The following DDX46 variants were observed in gnomAD, a reference collection of about 807,000 sequenced individuals.
DDX46 encodes the protein probable ATP-dependent RNA helicase DDX46.
In DDX46, 30 loss-of-function variants were observed where a neutral mutation model predicts 134.9. That is an observed-to-expected ratio of 0.22 (90% CI 0.17 to 0.30). The LOEUF is 0.30. Ranked by LOEUF, DDX46 falls within the 10% of genes least tolerant of loss-of-function variation. The probability of loss-of-function intolerance (pLI) is 1.00; values close to 1 mark genes in which losing one functional copy is unlikely to be tolerated. For missense variants in DDX46, 622 were observed against 1,248.7 expected, an observed-to-expected ratio of 0.50 and a Z score of 7.56; for synonymous variants, 415 against 404.1, an observed-to-expected ratio of 1.03 and a Z score of -0.32.
At chr5:134,821,852 G>A (rs1755462613) in intron 21 of DDX46, among the ~76,000 whole-genome samples, 1 of 151,292 alleles carries the variant, frequency 6.6e-6, no homozygotes, top group Admixed American at 6.6e-5. Context: ...ACCACGCCCG[G>A]CCTACTTCTT....
chr5:134,780,865 T>C (rs173849), intron 6 of DDX46: 84,285 of 210,996 alleles, frequency 0.4, 20,909 homozygotes, highest in African/African-American at 0.73. Flanking sequence ...CTCTTTCTAC[T>C]AAAAAACAAA....
At chr5:134,797,526 G>C (rs1754702997) in intron 15 of DDX46, among the ~76,000 whole-genome samples, 2 of 152,264 alleles carry the variant, frequency 1.3e-5, no homozygotes, top group South Asian at 4.1e-4. Context: ...TGGCCAAGAG[G>C]AAAGAACAAG....
At chr5:134,775,097 G>T (rs1018858021) in intron 5 of DDX46, among the ~76,000 whole-genome samples, 7 of 152,090 alleles carry the variant, frequency 4.6e-5, no homozygotes, top group African/African-American at 1.7e-4. Flanking sequence ...TGGGATTACA[G>T]GCGTGAGCCA....
Position 134,764,100 on chromosome 5 carries a change from A to C in DDX46, c.206+8A>C, listed in dbSNP as rs768833830. 4 of 1,587,130 alleles carry C rather than the reference A, an allele frequency of 2.5e-6. No homozygotes were observed. The African/African-American group carries it at 5.4e-5, about 22-fold the overall frequency. On this transcript the variant is annotated splice_region_variant and intron_variant, in intron 2 of 22. Coordinates refer to ENST00000452510, the MANE Select transcript of DDX46 (RefSeq NM_001300860.2). ...GGACAGGAAGCGTCTGAGGTAAGAC[A>C]TTAATTAATTTCCAAAAGACGAGTG...
chr5:134,777,969 C>G (rs1753999272), intron 6 of DDX46: 1 of 350,664 alleles, frequency 2.9e-6, no homozygotes, highest in Non-Finnish European at 5.0e-6. Flanking sequence ...ACATATTAAC[C>G]TTTTTAATAA....
chr5:134,771,024 TTTTC>T (rs748788531), intron 4 of DDX46, 25 bp downstream of exon 4: 66 of 947,998 alleles, frequency 7.0e-5, no homozygotes, highest in Middle Eastern at 2.8e-4. Context: ...TTAAAAATAA[TTTTC>T]TTTCTTTCTT....
chr5:134,817,462 A>T, intron 19 of DDX46, 34 bp from the exon 20 acceptor site: 1 of 1,598,752 alleles, frequency 6.3e-7, no homozygotes, highest in South Asian at 1.1e-5. Context: ...CTCTGCCCTC[A>T]TTTGAGATTT....
intron 4 of DDX46, among the ~76,000 whole-genome samples, chr5:134,771,204 C>T (rs1753757425): frequency 6.6e-6 from 1 of 151,672 alleles, no homozygotes; most frequent in African/African-American, 2.4e-5. Flanking sequence ...AAGCAATTCT[C>T]CTGCCTCAGC....
At chr5:134,798,170 A>G (rs1441005114) in intron 15 of DDX46, among the ~76,000 whole-genome samples, 6 of 131,834 alleles carry the variant, frequency 4.6e-5, no homozygotes, top group African/African-American at 8.3e-5. Flanking sequence ...CCCGCCCCCC[A>G]CCGTTTTTTT....
At chr5:134,765,070 T>A (rs952477098) in intron 2 of DDX46, among the ~76,000 whole-genome samples, 20 of 150,438 alleles carry the variant, frequency 1.3e-4, no homozygotes, top group Admixed American at 4.6e-4. Flanking sequence ...TTTTTTTTTT[T>A]AATTTATTTT....
chr5:134,769,037 G>A (rs531204043), intron 3 of DDX46, among the ~76,000 whole-genome samples: 5 of 152,204 alleles, frequency 3.3e-5, no homozygotes, highest in Admixed American at 6.5e-5. Context: ...CAGCCTGGCC[G>A]ACAGAGAGAG....
intron 3 of DDX46, among the ~76,000 whole-genome samples, chr5:134,767,413 A>G (rs905220327): frequency 2.0e-5 from 3 of 152,068 alleles, no homozygotes; most frequent in Non-Finnish European, 2.9e-5. Flanking sequence ...AACATAGCTC[A>G]CTAACCTTAA....
intron 6 of DDX46, among the ~76,000 whole-genome samples, chr5:134,780,305 T>G (rs1754104808): frequency 6.6e-6 from 1 of 150,516 alleles, no homozygotes; most frequent in Admixed American, 6.7e-5. Context: ...GACTCACGCC[T>G]GTCATCTCAG....
intron 15 of DDX46, among the ~76,000 whole-genome samples, chr5:134,797,550 A>G (rs1754703750): frequency 6.6e-6 from 1 of 152,208 alleles, no homozygotes; most frequent in South Asian, 2.1e-4. Context: ...CTGCCCAGCC[A>G]GTTAAGGATG....
chr5:134,813,602 A>G (rs1371530558), intron 18 of DDX46, among the ~76,000 whole-genome samples: 3 of 151,590 alleles, frequency 2.0e-5, no homozygotes, highest in East Asian at 3.9e-4. Context: ...TGTCACTTCC[A>G]CTTTATTCTT....
At position 134,781,188 on chromosome 5, in the gene DDX46, T is replaced by G; in HGVS notation, c.821T>G (p.Val274Gly). 1 of 1,603,058 alleles carries G rather than the reference T, an allele frequency of 6.2e-7. No individual in the cohort carries two copies. Among genetic ancestry groups the G allele is most frequent in the Non-Finnish European group, 8.5e-7 (1 of 1,177,578 alleles). The change falls in exon 7 of 23, where the codon GTT becomes GGT. Residue 274 changes from valine to glycine, a missense_variant. Coordinates refer to ENST00000452510, the MANE Select transcript of DDX46 (RefSeq NM_001300860.2). ...VVTVVTTKKA[V>G]VDSDKKKGEL... Reference sequence around the variant, plus strand: ...ACTGTTGTGACAACCAAAAAAGCAGTTGTGGATTCTGATAAGAAGAAAGGT... The same window carrying G: ...ACTGTTGTGACAACCAAAAAAGCAGGTGTGGATTCTGATAAGAAGAAAGGT...
At chr5:134,815,728 A>AG (rs1475028714) in intron 18 of DDX46, among the ~76,000 whole-genome samples, 15 of 151,238 alleles carry the variant, frequency 9.9e-5, no homozygotes, top group Non-Finnish European at 1.5e-4. Flanking sequence ...AAAAAAAAAA[A>AG]AAAAGAAATG....
intron 6 of DDX46, among the ~76,000 whole-genome samples, chr5:134,780,558 T>G (rs1754114705): frequency 7.6e-6 from 1 of 130,914 alleles, no homozygotes; most frequent in Non-Finnish European, 1.7e-5. Context: ...GAGCAAAACT[T>G]TATCTCAATA....
chr5:134,809,858 A>C (rs968417454), intron 16 of DDX46, among the ~76,000 whole-genome samples: 2 of 151,960 alleles, frequency 1.3e-5, no homozygotes, highest in African/African-American at 4.8e-5. Flanking sequence ...AAATAAAAAT[A>C]AAAAATTAGC....
Sources: gnomAD v4.1 joint callset for allele counts (sites outside exome capture counted in the v4.1 genomes callset) on GRCh38, gnomAD v4.1.1 for gene constraint, MANE v1.5 for transcripts, NCBI Gene and HGNC (gene_info 2026-07-23, HGNC 2026-07-21) for gene names.